NFKB1: variants seen among roughly 807,000 people sequenced by gnomAD.
NFKB1 encodes nuclear factor NF-kappa-B p105 subunit.
In NFKB1, 9 loss-of-function variants were observed where a neutral mutation model predicts 105.1. That is an observed-to-expected ratio of 0.09 (90% CI 0.05 to 0.15). The LOEUF (loss-of-function observed/expected upper bound fraction) is 0.15. Ranked by LOEUF, NFKB1 falls within the 10% of genes least tolerant of loss-of-function variation. The probability of loss-of-function intolerance (pLI) is 1.00; values close to 1 mark genes in which losing one functional copy is unlikely to be tolerated. For synonymous variants in NFKB1, 440 were observed against 442.2 expected (o/e 1.00, Z 0.06); for missense variants, 830 against 1,203.7 (o/e 0.69, Z 4.59).
intron 19 of NFKB1, among the ~76,000 whole-genome samples, chr4:102,609,026 G>A (rs750301090): frequency 6.6e-6 from 1 of 151,580 alleles, no homozygotes; most frequent in Non-Finnish European, 1.5e-5. Flanking sequence ...GGTGGCATGC[G>A]CCTATAGTCG....
chr4:102,597,701 G>T (rs189439185), intron 15 of NFKB1, 40 bp downstream of exon 15: 1 of 1,589,206 alleles, frequency 6.3e-7, no homozygotes, highest in Non-Finnish European at 8.6e-7. Flanking sequence ...TCCTGGGTGG[G>T]GAAGAAGAAG....
intron 1 of NFKB1, among the ~76,000 whole-genome samples, chr4:102,505,561 C>T (rs1739365754): frequency 6.6e-6 from 1 of 152,082 alleles, no homozygotes; most frequent in Non-Finnish European, 1.5e-5. Context: ...CTTAAAATAG[C>T]TTTTATTTTG....
At chr4:102,537,599 T>C (rs916626039) in intron 4 of NFKB1, 11 of 310,836 alleles carry the variant, frequency 3.5e-5, no homozygotes, top group South Asian at 2.0e-4. Context: ...TCTCCACACA[T>C]GCATAGCATG....
At chr4:102,547,056 A>T (rs1722194168) in intron 5 of NFKB1, among the ~76,000 whole-genome samples, 1 of 152,184 alleles carries the variant, frequency 6.6e-6, no homozygotes. Flanking sequence ...CTGATCAAAA[A>T]TTAGAAAATA....
intron 5 of NFKB1, among the ~76,000 whole-genome samples, chr4:102,551,724 C>A (rs370404479): frequency 6.6e-6 from 1 of 152,128 alleles, no homozygotes. Context: ...AGGGATCTTT[C>A]ACCAAACACT....
At chr4:102,561,154 C>T (rs1723392291) in intron 5 of NFKB1, among the ~76,000 whole-genome samples, 1 of 152,164 alleles carries the variant, frequency 6.6e-6, no homozygotes, top group Admixed American at 6.6e-5. Context: ...TCATTCTGTC[C>T]TTCCTGGTTG....
chr4:102,597,280 C>T (rs749492003), intron 14 of NFKB1, among the ~76,000 whole-genome samples: 5 of 152,088 alleles, frequency 3.3e-5, no homozygotes, highest in Non-Finnish European at 7.4e-5. Context: ...AACTTTTTTC[C>T]TCTAACAAAT....
intron 7 of NFKB1, 184 bp from the exon 8 acceptor site, chr4:102,578,697 T>C (rs1725067380): frequency 3.6e-6 from 2 of 551,960 alleles, no homozygotes. Flanking sequence ...TCTTCTTTGA[T>C]GCCTTTCATA....
chr4:102,522,158 C>T lies in NFKB1; in HGVS notation c.-7-3354C>T, dbSNP rs147161466. Among the ~76,000 whole-genome samples, 524 of 152,248 alleles carry T rather than the reference C, an allele frequency of 3.4e-3. 4 individuals are homozygous for T. Among genetic ancestry groups the T allele is most frequent in the African/African-American group, 0.012 (513 of 41,540 alleles). On this transcript the variant is annotated intron_variant, in intron 1 of 23. Coordinates refer to ENST00000226574, the MANE Select transcript of NFKB1 (RefSeq NM_003998.4). ...TCTTTTCTAATCCTTTAGTTCCAGACGCTTAGTTGGTATTTCAACATTTTA... is the reference window on the plus strand; with the variant it reads ...TCTTTTCTAATCCTTTAGTTCCAGATGCTTAGTTGGTATTTCAACATTTTA...
rs1223196343 is a variant in NFKB1, at chr4:102,597,606, A to T, written c.1582A>T (p.Met528Leu). 2 of 1,613,970 alleles carry T rather than the reference A, an allele frequency of 1.2e-6. No individual in the cohort carries two copies. Among genetic ancestry groups the T allele is most frequent in the Admixed American group, 3.3e-5 (2 of 59,996 alleles). Residue 528 changes from methionine (M) to leucine (L), a missense_variant, in exon 15 of 24, where the codon ATG becomes TTG. By Grantham distance (15) the Met-to-Leu change is conservative (BLOSUM62 2). Transcript: ENST00000226574. Reference sequence around the variant, plus strand: ...CTACGCGGTGACAGGAGACGTGAAGATGCTGCTGGCCGTCCAGCGCCATCT... The same window carrying T: ...CTACGCGGTGACAGGAGACGTGAAGTTGCTGCTGGCCGTCCAGCGCCATCT... ...FDYAVTGDVK[M>L]LLAVQRHLTA...
intron 8 of NFKB1, 25 bp downstream of exon 8, chr4:102,579,064 G>A (rs1204473771): frequency 6.2e-7 from 1 of 1,603,628 alleles, no homozygotes; most frequent in East Asian, 2.2e-5. Flanking sequence ...TCCAACAGGG[G>A]GCACACCAAG....
At chr4:102,522,129 C>G (rs1332358094) in intron 1 of NFKB1, among the ~76,000 whole-genome samples, 1 of 152,158 alleles carries the variant, frequency 6.6e-6, no homozygotes, top group African/African-American at 2.4e-5. Context: ...GGGGTTTTCC[C>G]TGGTCTTTTC....
intron 1 of NFKB1, among the ~76,000 whole-genome samples, chr4:102,503,036 A>G (rs3774932): frequency 0.6 from 91,736 of 152,016 alleles, 28,531 homozygotes; most frequent in African/African-American, 0.76. Context: ...ACTTAAAACT[A>G]AAGTATGTTG....
At chr4:102,575,043 T>C (rs556633630) in intron 6 of NFKB1, among the ~76,000 whole-genome samples, 1 of 152,332 alleles carries the variant, frequency 6.6e-6, no homozygotes, top group Admixed American at 6.5e-5. Context: ...GGCCAAAAGA[T>C]ATAGGTATTG....
intron 14 of NFKB1, 131 bp downstream of exon 14, chr4:102,596,463 G>A (rs777798828): frequency 1.5e-6 from 1 of 659,608 alleles, no homozygotes; most frequent in Non-Finnish European, 2.3e-6. Context: ...AGTTCTGTAT[G>A]CCTTTGGAAA....
intron 11 of NFKB1, among the ~76,000 whole-genome samples, chr4:102,590,222 C>T (rs1357485310): frequency 6.6e-6 from 1 of 152,134 alleles, no homozygotes; most frequent in African/African-American, 2.4e-5. Context: ...CCCACACACA[C>T]GTAAAAGATG....
At chr4:102,578,316 TATG>T (rs1203344092) in intron 7 of NFKB1, 1 of 152,630 alleles carries the variant, frequency 6.6e-6, no homozygotes, top group Non-Finnish European at 1.5e-5. Flanking sequence ...CACTACCTTT[TATG>T]ATATTATAGC....
intron 11 of NFKB1, among the ~76,000 whole-genome samples, chr4:102,587,061 T>A (rs1430289824): frequency 1.3e-5 from 2 of 152,234 alleles, no homozygotes; most frequent in Non-Finnish European, 2.9e-5. Context: ...CAATAACTTT[T>A]CTTTCTTCAC....
chr4:102,514,422 A>G (rs1309952966), intron 1 of NFKB1, among the ~76,000 whole-genome samples: 1 of 152,116 alleles, frequency 6.6e-6, no homozygotes, highest in Non-Finnish European at 1.5e-5. Context: ...GGCTTGCTGG[A>G]GGAAATTTGT....
Sources: allele counts gnomAD v4.1 joint callset (sites outside exome capture counted in the v4.1 genomes callset), GRCh38; gene constraint gnomAD v4.1.1; transcripts MANE v1.5; gene names NCBI Gene and HGNC (gene_info 2026-07-23, HGNC 2026-07-21).